TANC1: variants seen among roughly 807,000 people sequenced by gnomAD.
TANC1 encodes tetratricopeptide repeat, ankyrin repeat and coiled-coil containing 1, also known as protein TANC1.
Under a neutral mutation model 149.7 loss-of-function variants are expected in TANC1, and 77 were observed. That is an observed-to-expected ratio of 0.51 (90% CI 0.43 to 0.62). TANC1 has a LOEUF of 0.62. Ranked by LOEUF, TANC1 falls within the 20% of genes least tolerant of loss-of-function variation. The pLI, the probability that TANC1 is intolerant of heterozygous loss-of-function variation, is 0.00. For synonymous variants in TANC1, 854 were observed against 925.0 expected (o/e 0.92, Z 1.39); for missense variants, 1,985 against 2,321.8 (o/e 0.85, Z 2.98).
chr2:159,040,518 A>G (rs913591098), intron 2 of TANC1, among the ~76,000 whole-genome samples: 4 of 152,210 alleles, frequency 2.6e-5, no homozygotes, highest in East Asian at 1.9e-4. Flanking sequence ...TTGATCTTCA[A>G]TCACTGATTC....
At chr2:159,107,455 G>C (rs1392348243) in intron 4 of TANC1, among the ~76,000 whole-genome samples, 1 of 152,164 alleles carries the variant, frequency 6.6e-6, no homozygotes, top group Non-Finnish European at 1.5e-5. Flanking sequence ...ACATATCCCT[G>C]TTTTCCCCTA....
At chr2:158,991,863 G>A (rs1380681109) in intron 1 of TANC1, among the ~76,000 whole-genome samples, 1 of 152,194 alleles carries the variant, frequency 6.6e-6, no homozygotes, top group Non-Finnish European at 1.5e-5. Flanking sequence ...CAGTGTCATA[G>A]TATTATGCAT....
In TANC1 at chr2:159,216,856, T is replaced by G. The variant is rs930752676; in HGVS notation, c.3245-641T>G. ...AACAAGGGGGGAGTGACGTGCACTC[T>G]AGACTGCCTCAGTGATTATTCTTGT... is the stretch of plus-strand genomic sequence containing the variant. On this transcript the variant is annotated intron_variant, in intron 19 of 26. Transcript: ENST00000263635. 9.8e-5 allele frequency among the ~76,000 whole-genome samples: 15 copies of G among 152,328 alleles called. 1 individual carries two copies. The East Asian group carries it at 1.9e-3, about 20-fold the overall frequency.
rs6755758 is a variant in TANC1 at position 159,230,060 on chromosome 2, C to T, written c.4634C>T (p.Ser1545Leu). 5.0e-6 allele frequency: 8 copies of T among 1,613,876 alleles called. No homozygotes were observed. The highest frequency in any genetic ancestry group is 6.8e-6 in the Non-Finnish European group (8 of 1,180,056). Residue 1545 changes from serine (S) to leucine (L), a missense_variant, in exon 27 of 27, where the codon TCG (serine) becomes TTG (leucine). Around this residue, in one of 3 missense-constraint regions of TANC1, gnomAD observed 920 missense variants for 994.7 expected, o/e 0.92. Transcript: ENST00000263635. This position sits in a 1 kb window ranked among gnomAD's most constrained non-coding sequence, Gnocchi z 4.4. ...KTSQHLGSGQ[S>L]AVRNGSMKVQ... ...AGCCAGCACCTGGGCTCTGGCCAGT[C>T]GGCAGTGAGAAATGGCAGTATGAAA...
At chr2:159,077,004 AT>A (rs1232591182) in intron 3 of TANC1, among the ~76,000 whole-genome samples, 2 of 144,782 alleles carry the variant, frequency 1.4e-5, no homozygotes, top group East Asian at 2.0e-4. Flanking sequence ...TTTCCTTTAG[AT>A]TTTTTTTTCT....
Position 159,196,492 on chromosome 2 carries a change from T to G in TANC1, c.2980-116T>G, listed in dbSNP as rs531549872. The G allele has an allele frequency of 2.1e-5, 17 of 793,064 alleles. No homozygotes were observed. The African/African-American group carries it at 2.8e-4, about 13-fold the overall frequency. The allele number at this position is 793,064 out of a possible 1,614,324, so 49.1% of individuals were successfully genotyped here. A position where few individuals can be genotyped will look rare whatever the true frequency, so the allele number is the denominator to read the frequency against. On this transcript the variant is annotated intron_variant, in intron 17 of 26. Coordinates refer to ENST00000263635, the MANE Select transcript of TANC1 (RefSeq NM_033394.3). ...TGTTCTCCAGAAAGACAAGTTGGAA[T>G]GTGAACCCCATGTACGCTTACAGGG... is the stretch of plus-strand genomic sequence containing the variant.
chr2:159,172,871 G>T (rs893900835), intron 11 of TANC1, among the ~76,000 whole-genome samples: 1 of 152,212 alleles, frequency 6.6e-6, no homozygotes, highest in African/African-American at 2.4e-5. Context: ...CAGCAGTGGT[G>T]TGAGTCGGTG....
At chr2:159,118,398 A>G (rs770122109) in intron 4 of TANC1, among the ~76,000 whole-genome samples, 1 of 151,848 alleles carries the variant, frequency 6.6e-6, no homozygotes, top group East Asian at 1.9e-4. Flanking sequence ...TGCATAGGAG[A>G]TTTGTCTTGT....
At chr2:159,048,246 T>G (rs2041217439) in intron 2 of TANC1, among the ~76,000 whole-genome samples, 1 of 152,178 alleles carries the variant, frequency 6.6e-6, no homozygotes, top group African/African-American at 2.4e-5. Context: ...GCAAGTAGAT[T>G]GGCTTTGGGG....
chr2:159,021,607 C>G (rs1215218053), intron 2 of TANC1, among the ~76,000 whole-genome samples: 3 of 151,370 alleles, frequency 2.0e-5, no homozygotes, highest in Non-Finnish European at 4.4e-5. Flanking sequence ...TAACGAGACC[C>G]TATCTCTTTA....
At chr2:158,976,310 T>C (rs1184163631) in intron 1 of TANC1, among the ~76,000 whole-genome samples, 1 of 152,254 alleles carries the variant, frequency 6.6e-6, no homozygotes, top group Non-Finnish European at 1.5e-5. Context: ...TATATGAGGT[T>C]GCCTGAGGGA....
chr2:159,012,930 G>C (rs2037910848), intron 2 of TANC1, among the ~76,000 whole-genome samples: 1 of 152,122 alleles, frequency 6.6e-6, no homozygotes, highest in African/African-American at 2.4e-5. Context: ...CTTGTTGGTA[G>C]TTTTGCATGG....
intron 3 of TANC1, among the ~76,000 whole-genome samples, chr2:159,077,627 A>G (rs893885278): frequency 6.6e-6 from 1 of 152,208 alleles, no homozygotes; most frequent in Non-Finnish European, 1.5e-5. Context: ...TGCATTTTAT[A>G]CATTTTTTTC....
At chr2:159,099,840 T>G (rs990679967) in intron 4 of TANC1, among the ~76,000 whole-genome samples, 4 of 152,024 alleles carry the variant, frequency 2.6e-5, no homozygotes, top group African/African-American at 4.8e-5. Context: ...CACTTCCCCA[T>G]GCGGTATTTG....
chr2:159,026,048 C>T (rs992722812), intron 2 of TANC1, among the ~76,000 whole-genome samples: 2 of 152,202 alleles, frequency 1.3e-5, no homozygotes, highest in African/African-American at 2.4e-5. Context: ...ATCATCTTGC[C>T]TCAGCTTCCC....
At chr2:159,160,920 T>C (rs1575029537) in intron 7 of TANC1, among the ~76,000 whole-genome samples, 1 of 151,998 alleles carries the variant, frequency 6.6e-6, no homozygotes, top group Non-Finnish European at 1.5e-5. Context: ...GAGCCCTTCC[T>C]CCCCCACCCC....
chr2:159,005,175 T>C (rs1327150076), intron 2 of TANC1, among the ~76,000 whole-genome samples: 1 of 152,206 alleles, frequency 6.6e-6, no homozygotes, highest in East Asian at 1.9e-4. Context: ...ATGGGTGTCA[T>C]GGCCATCACA....
intron 1 of TANC1, among the ~76,000 whole-genome samples, chr2:158,970,605 T>C (rs748301657): frequency 1.3e-5 from 2 of 152,198 alleles, no homozygotes; most frequent in Non-Finnish European, 2.9e-5. Flanking sequence ...GCATCATAAA[T>C]ATATCCTGGT....
chr2:159,158,625 T>C (rs2053680912), intron 7 of TANC1, among the ~76,000 whole-genome samples: 1 of 152,226 alleles, frequency 6.6e-6, no homozygotes, highest in Admixed American at 6.5e-5. Flanking sequence ...ATTTTTCCTT[T>C]TCCATGAAGG....
Sources: allele counts gnomAD v4.1 joint callset (sites outside exome capture counted in the v4.1 genomes callset), GRCh38; gene constraint gnomAD v4.1.1; regional missense constraint gnomAD v4.1.1; non-coding constraint Gnocchi (gnomAD v3.1); transcripts MANE v1.5; gene names NCBI Gene and HGNC (gene_info 2026-07-23, HGNC 2026-07-21).